The following POU2AF1 variants were observed in gnomAD, a reference collection of about 807,000 sequenced individuals.
The protein encoded by POU2AF1 is POU domain class 2-associating factor 1.
Under a neutral mutation model 26.3 loss-of-function variants are expected in POU2AF1, and 12 were observed. The observed-to-expected ratio is 0.46, with a 90% confidence interval of 0.29 to 0.74. The LOEUF is 0.74. Ranked by LOEUF, POU2AF1 falls within the 30% of genes least tolerant of loss-of-function variation. The pLI, the probability that POU2AF1 is intolerant of heterozygous loss-of-function variation, is 0.09. For synonymous variants in POU2AF1, 175 were observed against 148.0 expected, an observed-to-expected ratio of 1.18 and a Z score of -1.32; for missense variants, 297 against 334.5, an observed-to-expected ratio of 0.89 and a Z score of 0.87.
At chr11:111,369,453 C>G (rs1302523340) in intron 1 of POU2AF1, among the ~76,000 whole-genome samples, 3 of 152,136 alleles carry the variant, frequency 2.0e-5, no homozygotes, top group Non-Finnish European at 4.4e-5. Context: ...TCCTAAAGGC[C>G]AGGGACACAG....
chr11:111,357,829 C>G lies in POU2AF1; in HGVS notation c.156G>C (p.Leu52=). Residue 52 remains leucine (L), a synonymous_variant, in exon 3 of 5, where the codon CTG becomes CTC. Transcript: ENST00000393067. ...TGTAGGTCGCCAGGGGCTGATGGGG[C>G]AGCACCACCTAGAGGGGAGAGGAGA... ...GAAPAPTAVV[L]PHQPLATYTT... 6.2e-7 allele frequency: 1 copy of G among 1,610,920 alleles called. No homozygotes were observed. Among genetic ancestry groups the G allele is most frequent in the South Asian group, 1.1e-5 (1 of 90,446 alleles).
intron 1 of POU2AF1, chr11:111,360,130 G>C: frequency 2.1e-6 from 1 of 483,674 alleles, no homozygotes. Context: ...AAAAGCAGCC[G>C]TGGCTGGGAA....
rs139866587 is a variant in POU2AF1, at chr11:111,367,132, A to G, written c.17-8214T>C. ...CCCTCTAACCCTTCCCTCACAGGCAAGACTCCCAGGGATCCTTTCCCCGGC... is the reference window on the plus strand; with the variant it reads ...CCCTCTAACCCTTCCCTCACAGGCAGGACTCCCAGGGATCCTTTCCCCGGC... On this transcript the variant is annotated intron_variant, in intron 1 of 4. Transcript: ENST00000393067. Among the ~76,000 whole-genome samples, 737 of 152,270 alleles carry G rather than the reference A, an allele frequency of 4.8e-3. 8 individuals carry two copies. Among genetic ancestry groups the G allele is most frequent in the African/African-American group, 0.017 (703 of 41,550 alleles).
In POU2AF1 at chr11:111,357,912, A is replaced by G. The variant is rs952381861; in HGVS notation, c.148-75T>C. 1.1e-5 allele frequency: 16 copies of G among 1,409,386 alleles called. No homozygotes were observed. In the African/African-American group the frequency reaches 2.1e-4, roughly 19 times the overall value. The allele number at this position is 1,409,386 out of a possible 1,614,324, so 87.3% of individuals were successfully genotyped here. On this transcript the variant is annotated intron_variant, in intron 2 of 4. Transcript: ENST00000393067. ...GGCCCTGTGCAGAGAACTTGCCCAG[A>G]GGGCCTCAGGGCAGGAGAATAGAAG...
At chr11:111,364,867 G>A (rs1718701682) in intron 1 of POU2AF1, among the ~76,000 whole-genome samples, 1 of 152,218 alleles carries the variant, frequency 6.6e-6, no homozygotes, top group Non-Finnish European at 1.5e-5. Flanking sequence ...TTTGATCAAG[G>A]CTTGAATCTG....
intron 1 of POU2AF1, among the ~76,000 whole-genome samples, chr11:111,369,099 G>C (rs920181234): frequency 1.3e-5 from 2 of 152,142 alleles, no homozygotes; most frequent in African/African-American, 4.8e-5. Context: ...TCAGGTACCT[G>C]GAATCCCCAG....
intron 1 of POU2AF1, 146 bp from the exon 2 acceptor site, chr11:111,359,064 A>G (rs1267953208): frequency 7.3e-7 from 1 of 1,365,072 alleles, no homozygotes; most frequent in Non-Finnish European, 9.7e-7. Flanking sequence ...ATGCCTCTCC[A>G]GTATTGTCAC....
chr11:111,362,539 C>T (rs898765172), intron 1 of POU2AF1, among the ~76,000 whole-genome samples: 2 of 152,164 alleles, frequency 1.3e-5, no homozygotes, highest in Non-Finnish European at 2.9e-5. Flanking sequence ...ATTTGTAGTT[C>T]CCACATACAA....
rs763996694 is a variant in POU2AF1 at position 111,357,646 on chromosome 11, G to A, written c.255C>T (p.Ala85=). Residue 85 remains alanine (A), a synonymous_variant, in exon 4 of 5, where the codon GCC becomes GCT. Coordinates refer to ENST00000393067, the MANE Select transcript of POU2AF1 (RefSeq NM_006235.3). ...SAVTEEAALC[A]GWLSQPTPAT... is the part of the protein sequence containing the mutation. ...CCGGGGTGGGCTGGGAGAGCCAGCC[G>A]GCACACAGGGCAGCCTCCTCTGTCA... is the stretch of plus-strand genomic sequence containing the variant. The A allele has an allele frequency of 1.4e-5, 23 of 1,613,442 alleles. No individual in the cohort carries two copies. The highest frequency in any genetic ancestry group is 5.5e-5 in the South Asian group (5 of 91,004).
intron 1 of POU2AF1, among the ~76,000 whole-genome samples, chr11:111,369,378 C>G (rs1861165674): frequency 1.3e-5 from 2 of 152,196 alleles, no homozygotes; most frequent in South Asian, 4.1e-4. Flanking sequence ...AGGTTGCAGA[C>G]AGAGTATGAT....
At position 111,357,625 on chromosome 11, in the gene POU2AF1, G is replaced by T. The variant is rs1307608633; in HGVS notation, c.276C>A (p.Thr92=). ...GGGCCAGGGGCTGCAGGGTGGCCGG[G>T]GTGGGCTGGGAGAGCCAGCCGGCAC... The part of the protein sequence containing the change: ...ALCAGWLSQP[T]PATLQPLAPW... The change falls in exon 4 of 5, where the codon ACC becomes ACA. Residue 92 remains threonine (T), a synonymous_variant. Transcript: ENST00000393067. The T allele has an allele frequency of 6.2e-7, 1 of 1,613,954 alleles. No homozygotes were observed. Among genetic ancestry groups the T allele is most frequent in the Non-Finnish European group, 8.5e-7 (1 of 1,179,942 alleles).
At chr11:111,355,190 G>A (rs1275353257) in intron 4 of POU2AF1, among the ~76,000 whole-genome samples, 2 of 152,144 alleles carry the variant, frequency 1.3e-5, no homozygotes, top group East Asian at 3.9e-4. Context: ...CAGCAAACTT[G>A]GCCTTCCTTC....
chr11:111,358,746 T>C, intron 2 of POU2AF1, 42 bp downstream of exon 2: 1 of 1,520,854 alleles, frequency 6.6e-7, no homozygotes, highest in Non-Finnish European at 8.9e-7. Context: ...ACATTCTCTT[T>C]CACACACACA....
At chr11:111,377,610 A>G (rs1861334006) in intron 1 of POU2AF1, among the ~76,000 whole-genome samples, 1 of 152,170 alleles carries the variant, frequency 6.6e-6, no homozygotes, top group Non-Finnish European at 1.5e-5. Flanking sequence ...CACTTAACAT[A>G]CAAAAAACCT....
In POU2AF1 at chr11:111,353,767, A is replaced by G. The variant is rs193082983; in HGVS notation, c.*494T>C. 3.2e-4 allele frequency: 79 copies of G among 247,348 alleles called. No homozygotes were observed. Among genetic ancestry groups the G allele is most frequent in the Admixed American group, 5.0e-4 (9 of 17,986 alleles). 15.3% of individuals were successfully genotyped at this position (247,348 alleles called of 1,614,324 possible). On this transcript the variant is annotated 3_prime_UTR_variant, in exon 5 of 5. Coordinates refer to ENST00000393067, the MANE Select transcript of POU2AF1 (RefSeq NM_006235.3). ...CCTTTTCCAAGAAATGAAATGTGAC[A>G]GAAATGAAAGCCCATGGACCACAGA...
chr11:111,357,389 T>C (rs1294731197), intron 4 of POU2AF1, 56 bp downstream of exon 4: 2 of 1,604,160 alleles, frequency 1.2e-6, no homozygotes, highest in Non-Finnish European at 1.7e-6. Context: ...TCAGCTCTGG[T>C]TATAAAAGGG....
Position 111,358,646 on chromosome 11 carries a change from ACT to A in POU2AF1, c.147+140_147+141del, listed in dbSNP as rs200045533. Reference sequence around the variant, plus strand: ...TACACATTCTCTCTCACACTATCACACTCTCACACACTCTATCACACACAAAC... The same window carrying A: ...TACACATTCTCTCTCACACTATCACACTCACACACTCTATCACACACAAAC... On this transcript the variant is annotated intron_variant, in intron 2 of 4. Coordinates refer to ENST00000393067, the MANE Select transcript of POU2AF1 (RefSeq NM_006235.3). 1.5e-3 allele frequency: 1,602 copies of A among 1,044,038 alleles called. 12 individuals carry two copies. The African/African-American group carries it at 0.02, about 13-fold the overall frequency. The allele number at this position is 1,044,038 out of a possible 1,614,324, so 64.7% of individuals were successfully genotyped here.
intron 1 of POU2AF1, among the ~76,000 whole-genome samples, chr11:111,378,206 T>C (rs1248521737): frequency 6.6e-6 from 1 of 152,246 alleles, no homozygotes; most frequent in Non-Finnish European, 1.5e-5. Context: ...TATCTTCTTC[T>C]GTAAATCTAG....
chr11:111,374,116 A>ATTTTTTTTTTTTTTT (rs60260380), intron 1 of POU2AF1, among the ~76,000 whole-genome samples: 1 of 109,644 alleles, frequency 9.1e-6, no homozygotes, highest in Non-Finnish European at 1.8e-5. Flanking sequence ...GGCAAACTTG[A>ATTTTTTTTTTTTTTT]TTTTTTTTTT....
Sources: allele counts gnomAD v4.1 joint callset (sites outside exome capture counted in the v4.1 genomes callset), GRCh38; gene constraint gnomAD v4.1.1; transcripts MANE v1.5; gene names NCBI Gene and HGNC (gene_info 2026-07-23, HGNC 2026-07-21).